The following ZNF385D variants were observed in gnomAD, a reference collection of about 807,000 sequenced individuals.
The protein encoded by ZNF385D is zinc finger protein 385D.
In ZNF385D, 15 loss-of-function variants were observed where a neutral mutation model predicts 35.8. The ratio of observed to expected loss-of-function variants is 0.42; its 90% CI spans 0.28 to 0.64. The LOEUF (loss-of-function observed/expected upper bound fraction) is 0.64, where lower values mean the gene tolerates loss of function less well. Among genes scored for constraint, ZNF385D ranks in the 30% least tolerant of loss-of-function variants. ZNF385D has a pLI of 0.23. For synonymous variants in ZNF385D, 212 were observed against 186.8 expected (o/e 1.13, Z -1.10); for missense variants, 474 against 494.6 (o/e 0.96, Z 0.39).
intron 3 of ZNF385D, among the ~76,000 whole-genome samples, chr3:21,988,716 T>G (rs1278704479): frequency 1.3e-5 from 2 of 151,800 alleles, no homozygotes; most frequent in Non-Finnish European, 2.9e-5. Flanking sequence ...GCTTCCTGGC[T>G]GCTTTGTTTA....
intron 2 of ZNF385D, among the ~76,000 whole-genome samples, chr3:22,332,391 A>T (rs1694979538): frequency 6.6e-6 from 1 of 152,192 alleles, no homozygotes; most frequent in Admixed American, 6.5e-5. Context: ...AGATTCAATG[A>T]AGAAATTATT....
intron 2 of ZNF385D, among the ~76,000 whole-genome samples, chr3:22,204,248 C>T (rs1022809523): frequency 6.6e-6 from 1 of 152,094 alleles, no homozygotes; most frequent in African/African-American, 2.4e-5. Flanking sequence ...ATCACCAAGA[C>T]AGTACCTCAA....
intron 3 of ZNF385D, among the ~76,000 whole-genome samples, chr3:21,885,740 C>CTGTGTGTGTGTGTGTGTG (rs3074769): frequency 1.7e-4 from 17 of 101,194 alleles, no homozygotes; most frequent in African/African-American, 4.1e-4. Flanking sequence ...GTGTCTGTGT[C>CTGTGTGTGTGTGTGTGTG]TGTGTGTGTG....
At chr3:21,794,943 T>C (rs984200119) in intron 3 of ZNF385D, among the ~76,000 whole-genome samples, 17 of 152,188 alleles carry the variant, frequency 1.1e-4, no homozygotes, top group East Asian at 7.7e-4. Flanking sequence ...TCAGCAAATA[T>C]TGACAAATCA....
chr3:21,996,022 G>T (rs887501257), intron 3 of ZNF385D, among the ~76,000 whole-genome samples: 1 of 152,054 alleles, frequency 6.6e-6, no homozygotes, highest in African/African-American at 2.4e-5. Context: ...TGGACACAGG[G>T]GAATGTCAGC....
At chr3:22,105,129 A>G (rs1436649920) in intron 3 of ZNF385D, among the ~76,000 whole-genome samples, 1 of 152,178 alleles carries the variant, frequency 6.6e-6, no homozygotes, top group African/African-American at 2.4e-5. Context: ...TAATGTACTT[A>G]TCTATTTACA....
intron 3 of ZNF385D, among the ~76,000 whole-genome samples, chr3:22,152,838 A>T (rs552497312): frequency 1.1e-3 from 160 of 152,246 alleles, no homozygotes; most frequent in Admixed American, 4.7e-3. Flanking sequence ...TTGGTCTACC[A>T]CAATATCCTT....
chr3:21,543,194 T>A (rs1040961705), intron 3 of ZNF385D, among the ~76,000 whole-genome samples: 1 of 152,016 alleles, frequency 6.6e-6, no homozygotes, highest in Non-Finnish European at 1.5e-5. Flanking sequence ...GCCTGTAATC[T>A]CAGCTACACA....
chr3:21,433,213 C>G (rs896164773), intron 5 of ZNF385D, among the ~76,000 whole-genome samples: 2 of 152,058 alleles, frequency 1.3e-5, no homozygotes, highest in Non-Finnish European at 2.9e-5. Context: ...AGTTGCATTC[C>G]CAAAATTTGG....
chr3:21,858,700 G>A (rs564599305), intron 3 of ZNF385D, among the ~76,000 whole-genome samples: 1 of 152,258 alleles, frequency 6.6e-6, no homozygotes, highest in Non-Finnish European at 1.5e-5. Flanking sequence ...TCAGTTTTAT[G>A]ATAGTTTTGT....
At chr3:21,672,714 C>T (rs2066613874) in intron 1 of ZNF385D, among the ~76,000 whole-genome samples, 1 of 152,110 alleles carries the variant, frequency 6.6e-6, no homozygotes, top group African/African-American at 2.4e-5. Flanking sequence ...CCTCAACACA[C>T]TTGGAAGGAA....
At chr3:21,940,502 A>T (rs1473362475) in intron 3 of ZNF385D, among the ~76,000 whole-genome samples, 1 of 152,228 alleles carries the variant, frequency 6.6e-6, no homozygotes, top group African/African-American at 2.4e-5. Flanking sequence ...TTCGTTCAAC[A>T]TTCAAGTCAA....
chr3:21,602,618 C>G (rs940411448), intron 2 of ZNF385D, among the ~76,000 whole-genome samples: 1 of 145,980 alleles, frequency 6.9e-6, no homozygotes, highest in South Asian at 2.2e-4. Flanking sequence ...CTGCAAGCTC[C>G]GCTTCCCGGG....
At chr3:21,810,278 T>C (rs1022148910) in intron 3 of ZNF385D, among the ~76,000 whole-genome samples, 3 of 151,668 alleles carry the variant, frequency 2.0e-5, no homozygotes, top group African/African-American at 7.3e-5. Flanking sequence ...TACATGATCA[T>C]ATTAATTGAT....
At chr3:22,021,747 G>A (rs1697236179) in intron 3 of ZNF385D, among the ~76,000 whole-genome samples, 1 of 152,046 alleles carries the variant, frequency 6.6e-6, no homozygotes, top group South Asian at 2.1e-4. Flanking sequence ...TTCTTTCCAA[G>A]CATTTCCACT....
At chr3:22,229,712 C>A (rs149524748) in intron 2 of ZNF385D, among the ~76,000 whole-genome samples, 1 of 152,308 alleles carries the variant, frequency 6.6e-6, no homozygotes, top group African/African-American at 2.4e-5. Flanking sequence ...TGGACGACCA[C>A]CTACAGCAAT....
At chr3:21,430,007 C>A (rs17008685) in intron 5 of ZNF385D, among the ~76,000 whole-genome samples, 2 of 151,872 alleles carry the variant, frequency 1.3e-5, no homozygotes, top group Non-Finnish European at 2.9e-5. Flanking sequence ...GGAAAGCTCT[C>A]TCAAATCTAC....
intron 4 of ZNF385D, among the ~76,000 whole-genome samples, chr3:21,493,970 G>A (rs1190290337): frequency 6.6e-6 from 1 of 151,982 alleles, no homozygotes; most frequent in Non-Finnish European, 1.5e-5. Context: ...AGAAAAACAG[G>A]CTTTTTTTTC....
chr3:21,748,273 A>G (rs1308637746), intron 1 of ZNF385D, among the ~76,000 whole-genome samples: 5 of 152,164 alleles, frequency 3.3e-5, no homozygotes, highest in Non-Finnish European at 7.3e-5. Context: ...AAAATATTAC[A>G]TCTTCCACCA....
Sources: gnomAD v4.1 joint callset for allele counts (sites outside exome capture counted in the v4.1 genomes callset) on GRCh38, gnomAD v4.1.1 for gene constraint, MANE v1.5 for transcripts, NCBI Gene and HGNC (gene_info 2026-07-23, HGNC 2026-07-21) for gene names.